FAM161A: variants seen among roughly 807,000 people sequenced by gnomAD.
FAM161A encodes FAM161 centrosomal protein A.
A neutral mutation model predicts 70.9 loss-of-function variants in FAM161A; 57 were observed. That is an observed-to-expected ratio of 0.80 (90% CI 0.65 to 1.00). FAM161A has a LOEUF of 1.00. Ranked by LOEUF, FAM161A falls within the 50% of genes least tolerant of loss-of-function variation. FAM161A has a pLI of 0.00. For synonymous variants in FAM161A, 299 were observed against 295.7 expected (o/e 1.01, Z -0.12); for missense variants, 880 against 836.0 (o/e 1.05, Z -0.65).
At chr2:61,824,648 T>C (rs1672284866), downstream of FAM161A, among the ~76,000 whole-genome samples, 1 of 152,242 alleles carries the variant, frequency 6.6e-6, no homozygotes, top group African/African-American at 2.4e-5. Flanking sequence ...AAGCCAAGTG[T>C]TTCATGACCA....
intron 3 of FAM161A, 121 bp from the exon 4 acceptor site, chr2:61,838,826 G>C (rs1349930843): frequency 6.5e-6 from 3 of 460,798 alleles, no homozygotes; most frequent in South Asian, 9.1e-5. Context: ...GTAACCTTTT[G>C]AAAAGGATCT....
downstream of FAM161A, among the ~76,000 whole-genome samples, chr2:61,820,011 C>T (rs2105050297): frequency 6.6e-6 from 1 of 152,092 alleles, no homozygotes; most frequent in Middle Eastern, 3.4e-3. Context: ...AATGATGGAC[C>T]TCACTGTACA....
chr2:61,804,820 G>GAAAGAA, the FAM161A span, among the ~76,000 whole-genome samples: 1 of 96,834 alleles, frequency 1.0e-5, no homozygotes, highest in Non-Finnish European at 2.2e-5. Context: ...GAAAGAAAGA[G>GAAAGAA]AAAGAGAAAG....
intron 5 of FAM161A, among the ~76,000 whole-genome samples, chr2:61,833,629 A>G (rs1250748285): frequency 6.6e-6 from 1 of 152,208 alleles, no homozygotes; most frequent in Non-Finnish European, 1.5e-5. Flanking sequence ...TACCATATCA[A>G]TAAGCTAGTA....
chr2:61,851,347 A>AT (rs1307036794), intron 1 of FAM161A, among the ~76,000 whole-genome samples: 7 of 151,684 alleles, frequency 4.6e-5, no homozygotes, highest in Middle Eastern at 3.4e-3. Flanking sequence ...TTATTTATTT[A>AT]TTTTTTTGAG....
chr2:61,811,333 G>T, the FAM161A span, among the ~76,000 whole-genome samples: 2 of 152,018 alleles, frequency 1.3e-5, no homozygotes, highest in Non-Finnish European at 1.5e-5. Context: ...AAGTAGCTGG[G>T]ACTACAGGTA....
chr2:61,827,611 A>AAC lies in FAM161A; in HGVS notation c.1852-354_1852-353insGT, dbSNP rs1231258059. Among the ~76,000 whole-genome samples, 9 of 149,620 alleles carry AAC rather than the reference A, an allele frequency of 6.0e-5. No individual in the cohort carries two copies. In the East Asian group the frequency reaches 1.7e-3, roughly 29 times the overall value. ...GGTGACAGAACAAGACTCTGTCTCA[A>AAC]AAAAAAAAAAAAAAAAAATATGGAT... On this transcript the variant is annotated intron_variant, in intron 5 of 6. Coordinates refer to ENST00000404929, the MANE Select transcript of FAM161A (RefSeq NM_001201543.2).
At chr2:61,826,953 GT>G in intron 6 of FAM161A, 150 bp downstream of exon 6, 1 of 714,800 alleles carries the variant, frequency 1.4e-6, no homozygotes. Context: ...ATATCAGTGT[GT>G]TTTACAACAG....
chr2:61,840,519 T>G lies in FAM161A; in HGVS notation c.485A>C (p.Asp162Ala), dbSNP rs1672981254. ...VSLMTSFSEP[D>A]LGQSSSLYVS... ...ATACAAGGAGGAAGACTGGCCTAAA[T>G]CAGGCTCTGAAAATGATGTCATTAA... The change falls in exon 3 of 7, where the codon GAT becomes GCT. Residue 162 changes from aspartate to alanine, a missense_variant. By Grantham distance (126) the Asp-to-Ala change is moderately radical. Coordinates refer to ENST00000404929, the MANE Select transcript of FAM161A (RefSeq NM_001201543.2). The G allele has an allele frequency of 6.2e-7, 1 of 1,613,920 alleles. No individual in the cohort carries two copies. Among genetic ancestry groups the G allele is most frequent in the African/African-American group, 1.3e-5 (1 of 74,926 alleles).
intron 5 of FAM161A, among the ~76,000 whole-genome samples, chr2:61,828,706 G>A (rs963413042): frequency 6.6e-6 from 1 of 152,186 alleles, no homozygotes; most frequent in Non-Finnish European, 1.5e-5. Context: ...GATGATAAAA[G>A]CACCAGTGTT....
the FAM161A span, among the ~76,000 whole-genome samples, chr2:61,803,855 C>T: frequency 3.3e-5 from 5 of 152,084 alleles, no homozygotes; most frequent in Admixed American, 3.3e-4. Context: ...GGCGTGGTGG[C>T]TCATGCCTGT....
At chr2:61,804,818 G>GAAAGAA in the FAM161A span, among the ~76,000 whole-genome samples, 18 of 110,136 alleles carry the variant, frequency 1.6e-4, no homozygotes, top group South Asian at 3.6e-4. Flanking sequence ...AAGAAAGAAA[G>GAAAGAA]AGAAAGAGAA....
chr2:61,826,001 A>G lies in FAM161A; in HGVS notation c.*454T>C. On this transcript the variant is annotated 3_prime_UTR_variant, in exon 7 of 7. Transcript: ENST00000404929. ...CAAGTTAGAGGATTTATTCTGTGAA[A>G]TGCACTGCAGAGAAAAAGAATGGGC... 2.2e-6 allele frequency: 1 copy of G among 454,382 alleles called. No homozygotes were observed. Among genetic ancestry groups the G allele is most frequent in the Non-Finnish European group, 4.4e-6 (1 of 226,896 alleles). 28.1% of individuals were successfully genotyped at this position (454,382 alleles called of 1,614,324 possible). A position where few individuals can be genotyped will look rare whatever the true frequency, so the allele number is the denominator to read the frequency against.
In FAM161A at chr2:61,824,928, G is replaced by A. The variant is rs1394076000; in HGVS notation, c.*1527C>T. ...GTTCCAAATATTAAGGGAATACAAA[G>A]ATGAATTTTTAAATGGTGCCAAATC... On this transcript the variant is annotated 3_prime_UTR_variant, in exon 7 of 7. Coordinates refer to ENST00000404929, the MANE Select transcript of FAM161A (RefSeq NM_001201543.2). The A allele has an allele frequency of 2.2e-6, 1 of 452,110 alleles. No individual in the cohort carries two copies. The highest frequency in any genetic ancestry group is 4.4e-6 in the Non-Finnish European group (1 of 226,382). The allele number at this position is 452,110 out of a possible 1,614,324, so 28.0% of individuals were successfully genotyped here.
intron 1 of FAM161A, among the ~76,000 whole-genome samples, chr2:61,848,674 G>A (rs1673318154): frequency 6.7e-6 from 1 of 149,092 alleles, no homozygotes; most frequent in East Asian, 2.0e-4. Flanking sequence ...TCTGCAACCT[G>A]TAATTTTTGA....
chr2:61,803,313 G>A, the FAM161A span: 6 of 652,394 alleles, frequency 9.2e-6, no homozygotes, highest in Non-Finnish European at 1.4e-5. Context: ...ATTATGTAAA[G>A]TAAAATGAAC....
intron 6 of FAM161A, 104 bp from the exon 7 acceptor site, chr2:61,826,703 G>A (rs981755820): frequency 6.3e-5 from 60 of 952,504 alleles, no homozygotes; most frequent in Non-Finnish European, 4.1e-5. Context: ...TTCCTCAAGT[G>A]TATGAATTCC....
At chr2:61,815,678 A>G in the FAM161A span, among the ~76,000 whole-genome samples, 4 of 150,752 alleles carry the variant, frequency 2.7e-5, no homozygotes, top group Non-Finnish European at 5.9e-5. Context: ...AGCTTCCCAA[A>G]TAACTGGGAT....
the FAM161A span, among the ~76,000 whole-genome samples, chr2:61,802,747 C>T: frequency 1.3e-5 from 2 of 152,136 alleles, no homozygotes; most frequent in Non-Finnish European, 2.9e-5. Context: ...TTCAGTCATC[C>T]TCCTATGCAC....
Sources: gnomAD v4.1 joint callset for allele counts (sites outside exome capture counted in the v4.1 genomes callset) on GRCh38, gnomAD v4.1.1 for gene constraint, MANE v1.5 for transcripts, NCBI Gene and HGNC (gene_info 2026-07-23, HGNC 2026-07-21) for gene names.